The following NET1 variants were observed in gnomAD, a reference collection of about 807,000 sequenced individuals.
The protein encoded by NET1 is neuroepithelial cell transforming 1.
Under a neutral mutation model 61.1 loss-of-function variants are expected in NET1, and 42 were observed. That is an observed-to-expected ratio of 0.69 (90% CI 0.54 to 0.89). The LOEUF is 0.89. NET1 is among the 40% of genes least tolerant of loss of function. The probability of loss-of-function intolerance (pLI) is 0.00; values close to 1 mark genes in which losing one functional copy is unlikely to be tolerated. For missense variants in NET1, 654 were observed against 747.3 expected (o/e 0.88, Z 1.46); for synonymous variants, 254 against 281.8 (o/e 0.90, Z 0.99).
Position 5,416,079 on chromosome 10 carries a change from A to C in NET1, c.128+3259A>C, listed in dbSNP as rs993652800. On this transcript the variant is annotated intron_variant, in intron 1 of 11. Coordinates refer to ENST00000355029, the MANE Select transcript of NET1 (RefSeq NM_001047160.3). This position sits in a 1 kb window ranked among gnomAD's most constrained non-coding sequence, Gnocchi z 6.1. ...TGAGTTAGTTTTTGTATATAATGTG[A>C]GATGACGGTCCAACTTAATTCTTTT... Among the ~76,000 whole-genome samples, 1 of 152,170 alleles carries C rather than the reference A, an allele frequency of 6.6e-6. No individual in the cohort carries two copies. Among genetic ancestry groups the C allele is most frequent in the Non-Finnish European group, 1.5e-5 (1 of 68,024 alleles).
chr10:5,436,275 T>TTTTA (rs1832437627), intron 3 of NET1, among the ~76,000 whole-genome samples: 1 of 106,740 alleles, frequency 9.4e-6, no homozygotes, highest in Non-Finnish European at 1.9e-5. Flanking sequence ...TTTTTTTTTT[T>TTTTA]AATGTGGAGT....
Position 5,441,815 on chromosome 10 carries a change from T to C in NET1, c.256-10015T>C, listed in dbSNP as rs1832528190. Among the ~76,000 whole-genome samples, 1 of 152,250 alleles carries C rather than the reference T, an allele frequency of 6.6e-6. No homozygotes were observed. The highest frequency in any genetic ancestry group is 6.5e-5 in the Admixed American group (1 of 15,292). The stretch of plus-strand genomic sequence containing the variant: ...CCAGTTCAAATGTAACTCTTTTTGT[T>C]TTTAAGTTATTACTAGATATTTTGG... On this transcript the variant is annotated intron_variant, in intron 3 of 11. Coordinates refer to ENST00000355029, the MANE Select transcript of NET1 (RefSeq NM_001047160.3). The surrounding 1 kb of genome is among the most constrained non-coding windows in gnomAD (Gnocchi z 4.6).
chr10:5,441,382 G>A lies in NET1; in HGVS notation c.256-10448G>A, dbSNP rs1430672972. 2.0e-5 allele frequency among the ~76,000 whole-genome samples: 3 copies of A among 152,204 alleles called. No homozygotes were observed. Among genetic ancestry groups the A allele is most frequent in the South Asian group, 2.1e-4 (1 of 4,828 alleles). On this transcript the variant is annotated intron_variant, in intron 3 of 11. Coordinates refer to ENST00000355029, the MANE Select transcript of NET1 (RefSeq NM_001047160.3). This position sits in a 1 kb window ranked among gnomAD's most constrained non-coding sequence, Gnocchi z 4.6. ...CCAGTTGCTATGGCAATGTCAAATTGGGCTGAGAAAACAGGAGGCTGGGCA... is the reference window on the plus strand; with the variant it reads ...CCAGTTGCTATGGCAATGTCAAATTAGGCTGAGAAAACAGGAGGCTGGGCA...
intron 3 of NET1, among the ~76,000 whole-genome samples, chr10:5,436,843 C>T (rs930144047): frequency 6.6e-6 from 1 of 152,116 alleles, no homozygotes. Context: ...TCCACCTGCA[C>T]TTTGATTTAG....
In NET1 at chr10:5,412,673, C is replaced by T. The variant is rs1459035206; in HGVS notation, c.-20C>T. The T allele has an allele frequency of 2.1e-6, 3 of 1,461,746 alleles. No individual in the cohort carries two copies. The highest frequency in any genetic ancestry group is 2.7e-6 in the Non-Finnish European group (3 of 1,118,400). The allele number at this position is 1,461,746 out of a possible 1,614,324, so 90.5% of individuals were successfully genotyped here. On this transcript the variant is annotated 5_prime_UTR_variant, in exon 1 of 12. Transcript: ENST00000355029. The surrounding 1 kb of genome is among the most constrained non-coding windows in gnomAD (Gnocchi z 6.5). ...GGTCTCCCGGGCACCCGGCCACCGC[C>T]CCACCCCCTCCTCCGTGCCATGGAG...
At position 5,444,835 on chromosome 10, in the gene NET1, A is replaced by G. The variant is rs1832580318; in HGVS notation, c.256-6995A>G. Among the ~76,000 whole-genome samples, 1 of 152,200 alleles carries G rather than the reference A, an allele frequency of 6.6e-6. No homozygotes were observed. Among genetic ancestry groups the G allele is most frequent in the South Asian group, 2.1e-4 (1 of 4,828 alleles). ...CTACCAGCAGAATATTTTCATTTGC[A>G]TGTTCTTCCACCGCCTCACACTCAG... On this transcript the variant is annotated intron_variant, in intron 3 of 11. Transcript: ENST00000355029. The surrounding 1 kb of genome is among the most constrained non-coding windows in gnomAD (Gnocchi z 5.3).
chr10:5,453,430 A>T lies in NET1; in HGVS notation c.692-54A>T. On this transcript the variant is annotated intron_variant, in intron 7 of 11. Transcript: ENST00000355029. This position sits in a 1 kb window ranked among gnomAD's most constrained non-coding sequence, Gnocchi z 4.9. ...AGTCTAAACTTCTAATGTAGTGCTG[A>T]CCTATTTTTTAAATAAACCTGTTAA... 1 of 1,592,046 alleles carries T rather than the reference A, an allele frequency of 6.3e-7. No individual in the cohort carries two copies. The highest frequency in any genetic ancestry group is 2.2e-5 in the East Asian group (1 of 44,758).
Position 5,453,109 on chromosome 10 carries a change from T to TA in NET1, c.595-139dup, listed in dbSNP as rs1430250271. The TA allele has an allele frequency of 6.9e-6, 5 of 724,068 alleles. No homozygotes were observed. Among genetic ancestry groups the TA allele is most frequent in the Admixed American group, 2.2e-5 (1 of 45,372 alleles). 44.9% of individuals were successfully genotyped at this position (724,068 alleles called of 1,614,324 possible). ...TTAGTAAGAGAGTTTATTTGGGGAT[T>TA]AATACATACTAATTTATTTTATGTG... On this transcript the variant is annotated intron_variant, in intron 6 of 11. Transcript: ENST00000355029. This position sits in a 1 kb window ranked among gnomAD's most constrained non-coding sequence, Gnocchi z 4.9.
intron 3 of NET1, among the ~76,000 whole-genome samples, chr10:5,436,223 T>C (rs1202758150): frequency 0.015 from 913 of 62,142 alleles, 29 homozygotes; most frequent in South Asian, 0.087. Flanking sequence ...TGTGTGTGTG[T>C]GCATATATAT....
intron 3 of NET1, among the ~76,000 whole-genome samples, chr10:5,450,955 A>T (rs925939723): frequency 2.0e-5 from 3 of 152,230 alleles, no homozygotes; most frequent in Admixed American, 6.5e-5. Flanking sequence ...CTTTCCTTTA[A>T]GTTAATAAAT....
rs1287896357 is a variant in NET1 at position 5,451,475 on chromosome 10, A to G, written c.256-355A>G. On this transcript the variant is annotated intron_variant, in intron 3 of 11. Transcript: ENST00000355029. The surrounding 1 kb of genome is among the most constrained non-coding windows in gnomAD (Gnocchi z 6.1). The stretch of plus-strand genomic sequence containing the variant: ...ATTATGCCATTCTCCACTTTCATGT[A>G]TGTTCGAAAATTTTCATAACAATAA... Among the ~76,000 whole-genome samples the G allele has an allele frequency of 6.6e-6, 1 of 150,654 alleles. No homozygotes were observed. Among genetic ancestry groups the G allele is most frequent in the Non-Finnish European group, 1.5e-5 (1 of 67,768 alleles).
chr10:5,430,107 A>G (rs1832324783), intron 3 of NET1, among the ~76,000 whole-genome samples: 1 of 152,166 alleles, frequency 6.6e-6, no homozygotes, highest in Admixed American at 6.5e-5. Context: ...AGTTGTAAGC[A>G]TTTTGCAAAA....
rs1272335982 is a variant in NET1, at chr10:5,456,063, A to G, written c.1198-24A>G. The G allele has an allele frequency of 3.8e-6, 6 of 1,594,212 alleles. No homozygotes were observed. The highest frequency in any genetic ancestry group is 1.3e-5 in the African/African-American group (1 of 74,180). On this transcript the variant is annotated intron_variant, in intron 10 of 11. Transcript: ENST00000355029. The surrounding 1 kb of genome is among the most constrained non-coding windows in gnomAD (Gnocchi z 7.0). ...ACTTAAAAACACAAGTTTCCTATTT[A>G]GCGTTTGTTTCCCATTTCTCCAGAA...
chr10:5,453,217 A>G lies in NET1; in HGVS notation c.595-33A>G. 1 of 1,203,038 alleles carries G rather than the reference A, an allele frequency of 8.3e-7. No homozygotes were observed. The allele number at this position is 1,203,038 out of a possible 1,614,324, so 74.5% of individuals were successfully genotyped here. On this transcript the variant is annotated intron_variant, in intron 6 of 11. Transcript: ENST00000355029. This position sits in a 1 kb window ranked among gnomAD's most constrained non-coding sequence, Gnocchi z 4.9. Reference sequence around the variant, plus strand: ...AGATCCCTCATGTTTTCCTCACATGATCTCTCTGTGACACATTTCTCCCCT... The same window carrying G: ...AGATCCCTCATGTTTTCCTCACATGGTCTCTCTGTGACACATTTCTCCCCT...
At position 5,456,541 on chromosome 10, in the gene NET1, C is replaced by G. The variant is rs1234794650; in HGVS notation, c.1385-47C>G. 1.3e-6 allele frequency: 2 copies of G among 1,502,806 alleles called. No individual in the cohort carries two copies. Among genetic ancestry groups the G allele is most frequent in the African/African-American group, 2.8e-5 (2 of 71,378 alleles). 93.1% of individuals were successfully genotyped at this position (1,502,806 alleles called of 1,614,324 possible). On this transcript the variant is annotated intron_variant, in intron 11 of 11. Transcript: ENST00000355029. The surrounding 1 kb of genome is among the most constrained non-coding windows in gnomAD (Gnocchi z 7.0). ...GTATGACCACTTTGTCTAGAATAAA[C>G]CTTTTTTTAGCCTGATTTCTTTTTT...
Position 5,458,834 on chromosome 10 carries a change from C to A in NET1, c.*1840C>A, listed in dbSNP as rs1182955629. ...TTACACCAATGATTGTGATCTGCAA[C>A]ACCAGAAAGCAAGATTTCTAATCAT... is the stretch of plus-strand genomic sequence containing the variant. On this transcript the variant is annotated 3_prime_UTR_variant, in exon 12 of 12. Coordinates refer to ENST00000355029, the MANE Select transcript of NET1 (RefSeq NM_001047160.3). The surrounding 1 kb of genome is among the most constrained non-coding windows in gnomAD (Gnocchi z 4.5). Among the ~76,000 whole-genome samples, 1 of 152,184 alleles carries A rather than the reference C, an allele frequency of 6.6e-6. No individual in the cohort carries two copies. The highest frequency in any genetic ancestry group is 1.5e-5 in the Non-Finnish European group (1 of 68,046).
chr10:5,454,152 C>A lies in NET1; in HGVS notation c.769-113C>A. ...ATTATCTGCCAGAAAATGTCCACAG[C>A]TTGTTAAAACTCTCAAGAATAGCTG... On this transcript the variant is annotated intron_variant, in intron 8 of 11. Transcript: ENST00000355029. This position sits in a 1 kb window ranked among gnomAD's most constrained non-coding sequence, Gnocchi z 8.1. 2 of 1,093,660 alleles carry A rather than the reference C, an allele frequency of 1.8e-6. No individual in the cohort carries two copies. The highest frequency in any genetic ancestry group is 2.6e-6 in the Non-Finnish European group (2 of 761,012). The allele number at this position is 1,093,660 out of a possible 1,614,324, so 67.7% of individuals were successfully genotyped here.
Position 5,456,778 on chromosome 10 carries a change from C to G in NET1, c.1575C>G (p.Asn525Lys), listed in dbSNP as rs374018048. ...LPELHEECEGNHPSARKLTAQ... is the reference protein window; with the variant it reads ...LPELHEECEGKHPSARKLTAQ... ...AGCTGCACGAAGAGTGTGAGGGGAA[C>G]CACCCCTCTGCGAGGAAACTCACAG... Residue 525 changes from asparagine (N) to lysine (K), a missense_variant, in exon 12 of 12, where the codon AAC becomes AAG. Physicochemically the swap from Asn to Lys is moderately conservative, Grantham distance 94. Transcript: ENST00000355029. This position sits in a 1 kb window ranked among gnomAD's most constrained non-coding sequence, Gnocchi z 7.0. 6.2e-6 allele frequency: 10 copies of G among 1,613,062 alleles called. No individual in the cohort carries two copies. In the African/African-American group the frequency reaches 1.3e-4, roughly 22 times the overall value.
In NET1 at chr10:5,454,991, A is replaced by C. The variant is rs769120430; in HGVS notation, c.1070A>C (p.Lys357Thr). Reference protein sequence around the residue: ...QGVLSDINLKKGESECQYYID... With the variant: ...QGVLSDINLKTGESECQYYID... ...GTCCTCTCTGATATCAACTTGAAGA[A>C]AGGTGAATCCGAGTGCCAGTATTAC... The change falls in exon 10 of 12, where the codon AAA becomes ACA. Residue 357 changes from lysine to threonine, a missense_variant. Coordinates refer to ENST00000355029, the MANE Select transcript of NET1 (RefSeq NM_001047160.3). The surrounding 1 kb of genome is among the most constrained non-coding windows in gnomAD (Gnocchi z 8.1). 4 of 1,614,186 alleles carry C rather than the reference A, an allele frequency of 2.5e-6. No homozygotes were observed. The highest frequency in any genetic ancestry group is 3.4e-6 in the Non-Finnish European group (4 of 1,180,006).
Sources: allele counts gnomAD v4.1 joint callset (sites outside exome capture counted in the v4.1 genomes callset), GRCh38; gene constraint gnomAD v4.1.1; non-coding constraint Gnocchi (gnomAD v3.1); transcripts MANE v1.5; gene names NCBI Gene and HGNC (gene_info 2026-07-23, HGNC 2026-07-21).